Variants in NRG3 observed in about 807,000 individuals in gnomAD.
The protein encoded by NRG3 is neuregulin 3.
In NRG3, 31 loss-of-function variants were observed where a neutral mutation model predicts 66.9. The observed-to-expected ratio is 0.46, with a 90% CI of 0.35 to 0.63. The LOEUF (loss-of-function observed/expected upper bound fraction) is 0.63, where lower values mean the gene tolerates loss of function less well. Among genes scored for constraint, NRG3 ranks in the 20% least tolerant of loss-of-function variants. The pLI is 0.00. For missense variants in NRG3, 910 were observed against 878.9 expected (o/e 1.04, Z -0.45); for synonymous variants, 393 against 359.4 (o/e 1.09, Z -1.06).
intron 2 of NRG3, among the ~76,000 whole-genome samples, chr10:82,370,714 C>G (rs1351346771): frequency 6.6e-6 from 1 of 152,116 alleles, no homozygotes; most frequent in African/African-American, 2.4e-5. Flanking sequence ...CATCCAACTA[C>G]TCTTTTATTT....
intron 1 of NRG3, among the ~76,000 whole-genome samples, chr10:82,223,016 T>C (rs1020995030): frequency 6.6e-6 from 1 of 152,238 alleles, no homozygotes; most frequent in African/African-American, 2.4e-5. Context: ...TTCTTCTGGA[T>C]CCTGCAGTAG....
At chr10:82,853,192 T>C (rs1278941460) in intron 3 of NRG3, among the ~76,000 whole-genome samples, 1 of 152,164 alleles carries the variant, frequency 6.6e-6, no homozygotes, top group East Asian at 1.9e-4. Flanking sequence ...ATCTGGAAAA[T>C]TATGGCGCCA....
intron 1 of NRG3, among the ~76,000 whole-genome samples, chr10:82,109,268 G>A (rs562393327): frequency 1.7e-4 from 26 of 152,106 alleles, no homozygotes; most frequent in Non-Finnish European, 2.4e-4. Context: ...TGAGCTACAG[G>A]AACATGGTGA....
At chr10:81,877,851 G>T in intron 1 of NRG3, 1 of 1,490,704 alleles carries the variant, frequency 6.7e-7, no homozygotes, top group Non-Finnish European at 8.9e-7. Flanking sequence ...TTTTGTAGAA[G>T]GATAAAGGAT....
chr10:82,322,303 C>A (rs1265856224), intron 1 of NRG3, among the ~76,000 whole-genome samples: 2 of 151,972 alleles, frequency 1.3e-5, no homozygotes, highest in Non-Finnish European at 2.9e-5. Flanking sequence ...TTAAAAATTC[C>A]TTTTTCTTCA....
At chr10:82,886,162 G>C (rs140368334) in intron 4 of NRG3, among the ~76,000 whole-genome samples, 1,754 of 152,240 alleles carry the variant, frequency 0.012, 27 homozygotes, top group African/African-American at 0.036. Flanking sequence ...CACAGGGCCC[G>C]GCCTTATCAA....
At chr10:82,206,879 G>T (rs2075144090) in intron 1 of NRG3, among the ~76,000 whole-genome samples, 1 of 152,158 alleles carries the variant, frequency 6.6e-6, no homozygotes, top group African/African-American at 2.4e-5. Flanking sequence ...ACTTAGTCCA[G>T]TTTAAGCCTC....
intron 2 of NRG3, among the ~76,000 whole-genome samples, chr10:82,482,970 C>G (rs1226258914): frequency 2.0e-5 from 3 of 152,086 alleles, no homozygotes; most frequent in African/African-American, 7.2e-5. Flanking sequence ...GTTTACCAAC[C>G]AGCACAGATC....
intron 2 of NRG3, among the ~76,000 whole-genome samples, chr10:82,515,283 C>T (rs930911655): frequency 1.3e-5 from 2 of 152,152 alleles, no homozygotes; most frequent in African/African-American, 4.8e-5. Context: ...AAAATAAACA[C>T]CCAAGGAACC....
chr10:82,126,387 T>C (rs919890957), intron 1 of NRG3, among the ~76,000 whole-genome samples: 2 of 152,086 alleles, frequency 1.3e-5, no homozygotes, highest in Non-Finnish European at 2.9e-5. Context: ...TCATAGAAGC[T>C]GCAACATGAG....
intron 2 of NRG3, among the ~76,000 whole-genome samples, chr10:82,650,841 G>A (rs2051355613): frequency 6.6e-6 from 1 of 152,080 alleles, no homozygotes; most frequent in Non-Finnish European, 1.5e-5. Context: ...AGAAGCAGAT[G>A]CCAGGGCCCC....
chr10:82,606,931 C>A (rs1294822580), intron 2 of NRG3, among the ~76,000 whole-genome samples: 1 of 152,158 alleles, frequency 6.6e-6, no homozygotes, highest in Non-Finnish European at 1.5e-5. Context: ...ACTTCTTGAC[C>A]AATCAGCAAT....
chr10:82,080,524 T>C (rs574252345), intron 1 of NRG3, among the ~76,000 whole-genome samples: 30 of 152,194 alleles, frequency 2.0e-4, no homozygotes, highest in African/African-American at 7.0e-4. Flanking sequence ...CTCACTTCTC[T>C]TTTTCCCTCT....
At chr10:82,611,517 T>C (rs1031219340) in intron 2 of NRG3, among the ~76,000 whole-genome samples, 1 of 152,038 alleles carries the variant, frequency 6.6e-6, no homozygotes, top group Non-Finnish European at 1.5e-5. Flanking sequence ...GAATATGTGG[T>C]GTTTGGTTTT....
intron 4 of NRG3, among the ~76,000 whole-genome samples, chr10:82,936,125 T>C (rs745796193): frequency 1.2e-4 from 18 of 152,252 alleles, no homozygotes; most frequent in Non-Finnish European, 2.1e-4. Context: ...TTATGAATTA[T>C]GCATTTTTGT....
At chr10:82,883,604 C>T (rs756732029) in intron 4 of NRG3, among the ~76,000 whole-genome samples, 21 of 151,862 alleles carry the variant, frequency 1.4e-4, no homozygotes, top group Admixed American at 7.9e-4. Flanking sequence ...CTAATCTGCT[C>T]CTTCACCTCA....
At chr10:82,776,932 G>GAACTGTTTCA (rs2059933524) in intron 3 of NRG3, among the ~76,000 whole-genome samples, 2 of 151,990 alleles carry the variant, frequency 1.3e-5, no homozygotes, top group African/African-American at 4.8e-5. Context: ...TTTATATGGG[G>GAACTGTTTCA]TTAGCTACTG....
chr10:82,090,498 C>T (rs1009089569), intron 1 of NRG3, among the ~76,000 whole-genome samples: 4 of 152,238 alleles, frequency 2.6e-5, no homozygotes, highest in African/African-American at 9.6e-5. Flanking sequence ...AACATATATG[C>T]CAACAACTGA....
intron 1 of NRG3, chr10:81,889,773 T>G (rs998924089): frequency 6.6e-6 from 1 of 152,240 alleles, no homozygotes; most frequent in African/African-American, 2.4e-5. Context: ...GATAAAGATA[T>G]ATTTTTTAAA....
Sources: gnomAD v4.1 joint callset for allele counts (sites outside exome capture counted in the v4.1 genomes callset) on GRCh38, gnomAD v4.1.1 for gene constraint, MANE v1.5 for transcripts, NCBI Gene and HGNC (gene_info 2026-07-23, HGNC 2026-07-21) for gene names.